Variants in ARHGAP26 observed in about 807,000 individuals in gnomAD.
ARHGAP26 encodes rho GTPase-activating protein 26.
In ARHGAP26, 38 loss-of-function variants were observed where a neutral mutation model predicts 104.8. The ratio of observed to expected loss-of-function variants is 0.36; its 90% CI spans 0.28 to 0.48. The LOEUF (loss-of-function observed/expected upper bound fraction) is 0.48. Among genes scored for constraint, ARHGAP26 ranks in the 20% least tolerant of loss-of-function variants. The probability of loss-of-function intolerance (pLI) is 0.99; values close to 1 mark genes in which losing one functional copy is unlikely to be tolerated. For missense variants in ARHGAP26, 704 were observed against 947.9 expected (o/e 0.74, Z 3.38); for synonymous variants, 341 against 340.0 (o/e 1.00, Z -0.03).
At chr5:142,937,253 A>T (rs1236044172) in intron 11 of ARHGAP26, among the ~76,000 whole-genome samples, 1 of 152,210 alleles carries the variant, frequency 6.6e-6, no homozygotes, top group Non-Finnish European at 1.5e-5. Context: ...CAAAAGACAC[A>T]AGGAGACATT....
chr5:143,115,465 G>A (rs1795324730), intron 17 of ARHGAP26, among the ~76,000 whole-genome samples: 3 of 151,540 alleles, frequency 2.0e-5, no homozygotes, highest in Admixed American at 1.3e-4. Flanking sequence ...AATACAAATA[G>A]GTAGGGTACA....
intron 11 of ARHGAP26, among the ~76,000 whole-genome samples, chr5:143,000,908 A>G (rs1777103245): frequency 6.6e-6 from 1 of 152,176 alleles, no homozygotes; most frequent in African/African-American, 2.4e-5. Flanking sequence ...GGAGAGCATT[A>G]GGACAAATAC....
At chr5:143,058,124 A>G in intron 17 of ARHGAP26, 1 of 453,330 alleles carries the variant, frequency 2.2e-6, no homozygotes, top group Non-Finnish European at 4.4e-6. Flanking sequence ...GTGGGTTTAC[A>G]GAATTTGGGT....
intron 1 of ARHGAP26, among the ~76,000 whole-genome samples, chr5:142,797,413 G>A (rs1761204513): frequency 6.6e-6 from 1 of 152,222 alleles, no homozygotes; most frequent in Non-Finnish European, 1.5e-5. Context: ...GAATATTTGA[G>A]TGTTGAGAAG....
At chr5:142,794,897 A>C (rs1335537965) in intron 1 of ARHGAP26, among the ~76,000 whole-genome samples, 1 of 152,202 alleles carries the variant, frequency 6.6e-6, no homozygotes, top group Non-Finnish European at 1.5e-5. Context: ...TTGGGAAATA[A>C]ACTATAACTA....
chr5:143,047,697 TG>T (rs1380520795), intron 14 of ARHGAP26, among the ~76,000 whole-genome samples: 5 of 152,356 alleles, frequency 3.3e-5, no homozygotes, highest in African/African-American at 1.2e-4. Flanking sequence ...TCTGTAATTT[TG>T]GGTGAGGTTA....
intron 21 of ARHGAP26, among the ~76,000 whole-genome samples, chr5:143,208,567 C>A (rs1421651204): frequency 6.6e-6 from 1 of 152,206 alleles, no homozygotes; most frequent in Non-Finnish European, 1.5e-5. Flanking sequence ...ATGGCCTGAA[C>A]CCTACTGTGG....
chr5:143,096,539 A>G (rs568665929), intron 17 of ARHGAP26, among the ~76,000 whole-genome samples: 39 of 152,344 alleles, frequency 2.6e-4, no homozygotes, highest in African/African-American at 9.4e-4. Context: ...ACTCAGTCGC[A>G]CAACTGCTTT....
chr5:142,937,365 GAATGACTAA>G (rs1423710398), intron 11 of ARHGAP26, among the ~76,000 whole-genome samples: 1 of 152,132 alleles, frequency 6.6e-6, no homozygotes, highest in Non-Finnish European at 1.5e-5. Flanking sequence ...TCACCTTCTA[GAATGACTAA>G]AATTAAAAGT....
intron 1 of ARHGAP26, among the ~76,000 whole-genome samples, chr5:142,858,278 T>A (rs891514203): frequency 6.6e-6 from 1 of 152,242 alleles, no homozygotes; most frequent in African/African-American, 2.4e-5. Context: ...ACATGCAAAT[T>A]CTTCTTTTAT....
chr5:143,087,633 A>ATTC lies in ARHGAP26; in HGVS notation c.1538+29889_1538+29891dup, dbSNP rs1554223642. 4.7e-3 allele frequency among the ~76,000 whole-genome samples: 91 copies of ATTC among 19,394 alleles called. 2 individuals are homozygous for ATTC. The highest frequency in any genetic ancestry group is 9.9e-3 in the African/African-American group (88 of 8,902). The allele number at this position is 19,394 out of a possible 152,430, so 12.7% of individuals were successfully genotyped here. A position where few individuals can be genotyped will look rare whatever the true frequency, so the allele number is the denominator to read the frequency against. On this transcript the variant is annotated intron_variant, in intron 17 of 22. Transcript: ENST00000645722. ...CTCCTCATCTAATTAACCCTGGCCC[A>ATTC]TTCTTTTTTTTTTTTTTTTTTTTTT...
chr5:143,103,776 C>T, intron 17 of ARHGAP26, among the ~76,000 whole-genome samples: 1 of 152,080 alleles, frequency 6.6e-6, no homozygotes, highest in East Asian at 1.9e-4. Flanking sequence ...AGGGGCACAG[C>T]ATACACCGGG....
At chr5:142,866,572 A>G (rs1308904217) in intron 1 of ARHGAP26, among the ~76,000 whole-genome samples, 2 of 152,188 alleles carry the variant, frequency 1.3e-5, no homozygotes, top group Admixed American at 1.3e-4. Context: ...TTTAAGGGGT[A>G]TTTCATCTAA....
intron 22 of ARHGAP26, among the ~76,000 whole-genome samples, chr5:143,221,954 A>G (rs1015357389): frequency 1.3e-5 from 2 of 152,092 alleles, no homozygotes; most frequent in Non-Finnish European, 2.9e-5. Context: ...GGAAGGATGG[A>G]AGGATGGATA....
intron 20 of ARHGAP26, chr5:143,202,101 TA>T (rs1807834717): frequency 6.6e-6 from 1 of 152,246 alleles, no homozygotes; most frequent in Non-Finnish European, 1.5e-5. Flanking sequence ...GGTGCTCCTG[TA>T]TTAGGTACAT....
intron 20 of ARHGAP26, among the ~76,000 whole-genome samples, chr5:143,161,498 A>G (rs1240070015): frequency 1.3e-5 from 2 of 152,212 alleles, no homozygotes; most frequent in South Asian, 2.1e-4. Context: ...TCCATCTGCT[A>G]TCTACCCAAT....
chr5:143,151,593 A>C (rs1799849658), intron 20 of ARHGAP26, among the ~76,000 whole-genome samples: 1 of 152,232 alleles, frequency 6.6e-6, no homozygotes, highest in African/African-American at 2.4e-5. Context: ...TTATTCAATG[A>C]TTTTAAAAAG....
rs537347557 is a variant in ARHGAP26, at chr5:143,120,101, T to G, written c.1539-887T>G. On this transcript the variant is annotated intron_variant, in intron 17 of 22. Transcript: ENST00000645722. Reference sequence around the variant, plus strand: ...AGGTGATTTAGGGAAGCTCTTGATATTGTCTCAACAAAACTGAATGGCATT... The same window carrying G: ...AGGTGATTTAGGGAAGCTCTTGATAGTGTCTCAACAAAACTGAATGGCATT... Among the ~76,000 whole-genome samples the G allele has an allele frequency of 2.6e-5, 4 of 152,200 alleles. No homozygotes were observed. In the South Asian group the frequency reaches 6.2e-4, roughly 24 times the overall value.
At chr5:143,084,036 C>T (rs982467409) in intron 17 of ARHGAP26, among the ~76,000 whole-genome samples, 47 of 152,236 alleles carry the variant, frequency 3.1e-4, no homozygotes, top group African/African-American at 9.2e-4. Context: ...TCGCCGTCCA[C>T]GTCATTGACT....
Sources: allele counts gnomAD v4.1 joint callset (sites outside exome capture counted in the v4.1 genomes callset), GRCh38; gene constraint gnomAD v4.1.1; transcripts MANE v1.5; gene names NCBI Gene and HGNC (gene_info 2026-07-23, HGNC 2026-07-21).